RAP1GAP2: variants seen among roughly 807,000 people sequenced by gnomAD.
RAP1GAP2 encodes rap1 GTPase-activating protein 2.
RAP1GAP2 carries 27 observed loss-of-function variants against 95.0 expected under a neutral mutation model. The observed-to-expected ratio is 0.28, with a 90% CI of 0.21 to 0.39. The LOEUF is 0.39. RAP1GAP2 is among the 10% of genes least tolerant of loss of function. The probability of loss-of-function intolerance (pLI) is 1.00; values close to 1 mark genes in which losing one functional copy is unlikely to be tolerated. For missense variants in RAP1GAP2, 771 were observed against 970.0 expected (o/e 0.79, Z 2.72); for synonymous variants, 373 against 380.9 (o/e 0.98, Z 0.24).
At chr17:2,769,476 A>G (rs918110524) in intron 1 of RAP1GAP2, among the ~76,000 whole-genome samples, 2 of 150,320 alleles carry the variant, frequency 1.3e-5, no homozygotes, top group African/African-American at 4.9e-5. Flanking sequence ...AATGGCGTGA[A>G]CCTGGAAGGC....
chr17:2,996,755 T>G (rs1424726157), intron 13 of RAP1GAP2, among the ~76,000 whole-genome samples: 27 of 152,044 alleles, frequency 1.8e-4, no homozygotes, highest in Admixed American at 1.8e-3. Context: ...GGGGACTGAG[T>G]AAATATTAAG....
chr17:3,029,030 C>T lies in RAP1GAP2; in HGVS notation c.2108-1892C>T, dbSNP rs1292169351. On this transcript the variant is annotated intron_variant, in intron 22 of 24. Transcript: ENST00000254695. The surrounding 1 kb of genome is among the most constrained non-coding windows in gnomAD (Gnocchi z 4.4). ...GGCCAGGCTGGTCTCGAACTCCTGACCTCGTGATCCACCCACCTCGGCCTC... is the reference window on the plus strand; with the variant it reads ...GGCCAGGCTGGTCTCGAACTCCTGATCTCGTGATCCACCCACCTCGGCCTC... Among the ~76,000 whole-genome samples, 1 of 152,136 alleles carries T rather than the reference C, an allele frequency of 6.6e-6. No homozygotes were observed. Among genetic ancestry groups the T allele is most frequent in the Non-Finnish European group, 1.5e-5 (1 of 68,024 alleles).
At chr17:2,910,020 G>A (rs2042320267) in intron 3 of RAP1GAP2, among the ~76,000 whole-genome samples, 1 of 152,166 alleles carries the variant, frequency 6.6e-6, no homozygotes, top group Non-Finnish European at 1.5e-5. Context: ...CACCCATGAG[G>A]GATTTAAAAC....
chr17:2,791,207 A>T (rs2068916399), intron 1 of RAP1GAP2, among the ~76,000 whole-genome samples: 1 of 152,072 alleles, frequency 6.6e-6, no homozygotes. Flanking sequence ...CCCTTCTCTA[A>T]AAAAGAAAAA....
At chr17:2,759,872 G>A (rs1474386420) in intron 1 of RAP1GAP2, among the ~76,000 whole-genome samples, 3 of 152,106 alleles carry the variant, frequency 2.0e-5, no homozygotes, top group South Asian at 2.1e-4. Flanking sequence ...GAGCCAGCGC[G>A]CCTGGCCCAT....
intron 3 of RAP1GAP2, among the ~76,000 whole-genome samples, chr17:2,926,974 C>T (rs2042975171): frequency 7.1e-6 from 1 of 140,522 alleles, no homozygotes. Context: ...CCACTGCACT[C>T]CAGCCTGGGG....
At chr17:2,936,603 C>T (rs910208815) in intron 3 of RAP1GAP2, among the ~76,000 whole-genome samples, 5 of 152,072 alleles carry the variant, frequency 3.3e-5, no homozygotes, top group African/African-American at 7.2e-5. Flanking sequence ...TACCCTCCCC[C>T]GGTGCCCCAA....
intron 1 of RAP1GAP2, among the ~76,000 whole-genome samples, chr17:2,768,457 C>G (rs181019016): frequency 1.9e-4 from 29 of 152,222 alleles, no homozygotes; most frequent in Non-Finnish European, 3.5e-4. Context: ...TTTGGGAGGC[C>G]AAGGTGGGCG....
intron 2 of RAP1GAP2, among the ~76,000 whole-genome samples, chr17:2,895,168 C>T (rs1426089825): frequency 6.6e-6 from 1 of 152,208 alleles, no homozygotes; most frequent in Non-Finnish European, 1.5e-5. Flanking sequence ...AAAGGAAAAT[C>T]AGGGTGGCCT....
intron 2 of RAP1GAP2, among the ~76,000 whole-genome samples, chr17:2,890,748 A>G (rs529197938): frequency 8.0e-5 from 12 of 150,068 alleles, no homozygotes; most frequent in East Asian, 3.9e-4. Context: ...GCAGTGGCGC[A>G]ATCTTGGCTC....
Position 2,924,678 on chromosome 17 carries a change from G to A in RAP1GAP2, c.165+19310G>A, listed in dbSNP as rs143275921. ...GGGTTTGCTTCCCCGAGGATCATAC[G>A]TTGGGGTGGGCTGAGTTTGTCCTCA... On this transcript the variant is annotated intron_variant, in intron 3 of 24. Transcript: ENST00000254695. 3.9e-5 allele frequency among the ~76,000 whole-genome samples: 6 copies of A among 152,226 alleles called. No homozygotes were observed. The East Asian group carries it at 5.8e-4, about 15-fold the overall frequency.
intron 2 of RAP1GAP2, among the ~76,000 whole-genome samples, chr17:2,849,960 G>T (rs946606660): frequency 2.0e-5 from 3 of 149,550 alleles, no homozygotes; most frequent in Admixed American, 6.7e-5. Flanking sequence ...CAGTGCCTTG[G>T]TTTGGCGCAG....
At chr17:2,795,804 G>A (rs2069061353), upstream of RAP1GAP2, among the ~76,000 whole-genome samples, 1 of 152,156 alleles carries the variant, frequency 6.6e-6, no homozygotes, top group South Asian at 2.1e-4. Context: ...AGTGGTGTGT[G>A]GATGTGCACG....
intron 2 of RAP1GAP2, among the ~76,000 whole-genome samples, chr17:2,894,664 G>T (rs1019903370): frequency 1.3e-5 from 2 of 152,170 alleles, no homozygotes; most frequent in Admixed American, 1.3e-4. Flanking sequence ...TCCTCCGTCT[G>T]TATCACGGCT....
At chr17:2,778,293 C>T (rs78815303) in intron 1 of RAP1GAP2, among the ~76,000 whole-genome samples, 16,720 of 149,886 alleles carry the variant, frequency 0.11, 1,341 homozygotes, top group South Asian at 0.33. Flanking sequence ...GGCTGGGGGG[C>T]CTGGTAGCTG....
intron 19 of RAP1GAP2, among the ~76,000 whole-genome samples, chr17:3,023,619 T>C (rs559629750): frequency 6.6e-6 from 1 of 152,216 alleles, no homozygotes; most frequent in Non-Finnish European, 1.5e-5. Flanking sequence ...TACAGGTTTT[T>C]AAAAATTTTT....
At chr17:2,939,051 C>T (rs1413379874) in intron 3 of RAP1GAP2, among the ~76,000 whole-genome samples, 4 of 152,170 alleles carry the variant, frequency 2.6e-5, no homozygotes, top group Non-Finnish European at 4.4e-5. Flanking sequence ...TTCCCTATGC[C>T]TCTGCACACC....
chr17:2,985,831 CT>C (rs1342305482), intron 11 of RAP1GAP2, among the ~76,000 whole-genome samples: 1 of 152,096 alleles, frequency 6.6e-6, no homozygotes, highest in African/African-American at 2.4e-5. Flanking sequence ...CTCTTTATAA[CT>C]TTGTTGAACT....
At chr17:3,030,129 C>T (rs918397332) in intron 22 of RAP1GAP2, among the ~76,000 whole-genome samples, 8 of 144,428 alleles carry the variant, frequency 5.5e-5, no homozygotes, top group African/African-American at 1.8e-4. Flanking sequence ...ATTATATATA[C>T]ATATATATTA....
Sources: allele counts gnomAD v4.1 joint callset (sites outside exome capture counted in the v4.1 genomes callset), GRCh38; gene constraint gnomAD v4.1.1; non-coding constraint Gnocchi (gnomAD v3.1); transcripts MANE v1.5; gene names NCBI Gene and HGNC (gene_info 2026-07-23, HGNC 2026-07-21).